THSD4: variants seen among roughly 807,000 people sequenced by gnomAD.
THSD4 encodes thrombospondin type 1 domain containing 4, also known as thrombospondin type-1 domain-containing protein 4.
In THSD4, 69 loss-of-function variants were observed where a neutral mutation model predicts 119.0. The ratio of observed to expected loss-of-function variants is 0.58; its 90% CI spans 0.48 to 0.71. The LOEUF is 0.71. THSD4 is among the 30% of genes least tolerant of loss of function. THSD4 has a pLI of 0.00. For synonymous variants in THSD4, 524 were observed against 540.4 expected (o/e 0.97, Z 0.42); for missense variants, 1,393 against 1,391.1 (o/e 1.00, Z -0.02).
intron 7 of THSD4, among the ~76,000 whole-genome samples, chr15:71,626,301 C>T (rs1370071190): frequency 6.6e-6 from 1 of 152,162 alleles, no homozygotes; most frequent in Non-Finnish European, 1.5e-5. Context: ...TGTTTTCCAG[C>T]ACTAATACTT....
At chr15:71,470,837 T>G (rs1022577696) in intron 7 of THSD4, among the ~76,000 whole-genome samples, 1 of 151,878 alleles carries the variant, frequency 6.6e-6, no homozygotes, top group Admixed American at 6.6e-5. Context: ...GGGTTTCACC[T>G]TGTTAGCCAG....
At chr15:71,365,691 A>G (rs1212207005) in intron 6 of THSD4, among the ~76,000 whole-genome samples, 1 of 152,150 alleles carries the variant, frequency 6.6e-6, no homozygotes, top group South Asian at 2.1e-4. Flanking sequence ...CCAACCCACC[A>G]ACTGAACAGG....
intron 7 of THSD4, among the ~76,000 whole-genome samples, chr15:71,487,964 T>C (rs779750857): frequency 6.6e-6 from 1 of 152,178 alleles, no homozygotes; most frequent in Non-Finnish European, 1.5e-5. Context: ...CAAGTAATGA[T>C]AATTTTATTC....
At chr15:71,592,071 G>T (rs567641303) in intron 7 of THSD4, among the ~76,000 whole-genome samples, 3 of 152,212 alleles carry the variant, frequency 2.0e-5, no homozygotes, top group South Asian at 2.1e-4. Flanking sequence ...TGGCTAGCAT[G>T]TGATGTAGCC....
At chr15:71,386,438 G>T (rs1467120556) in intron 6 of THSD4, among the ~76,000 whole-genome samples, 2 of 152,176 alleles carry the variant, frequency 1.3e-5, no homozygotes, top group African/African-American at 2.4e-5. Context: ...CCAAGAGGGG[G>T]TTAGGGGAGG....
At chr15:71,111,690 C>T, upstream of THSD4, 1 of 539,742 alleles carries the variant, frequency 1.9e-6, no homozygotes, top group Non-Finnish European at 3.3e-6. Context: ...TCCTTCAGAG[C>T]TTGAAATTAG....
chr15:71,162,988 A>ATATC (rs2043260860), intron 3 of THSD4, among the ~76,000 whole-genome samples: 1 of 151,592 alleles, frequency 6.6e-6, no homozygotes, highest in South Asian at 2.1e-4. Context: ...TCTTTTTTGT[A>ATATC]TATCTGTCTC....
chr15:71,325,995 C>G (rs564956972), intron 6 of THSD4, among the ~76,000 whole-genome samples: 32 of 152,248 alleles, frequency 2.1e-4, no homozygotes, highest in African/African-American at 7.5e-4. Flanking sequence ...CAATTTCCAC[C>G]TCTGTGATAA....
At chr15:71,588,959 G>T (rs925236172) in intron 7 of THSD4, among the ~76,000 whole-genome samples, 1 of 152,206 alleles carries the variant, frequency 6.6e-6, no homozygotes, top group African/African-American at 2.4e-5. Context: ...TGGTCAGGGA[G>T]GTGGGTGAGT....
intron 7 of THSD4, among the ~76,000 whole-genome samples, chr15:71,517,263 C>G (rs1417794297): frequency 6.6e-6 from 1 of 152,178 alleles, no homozygotes; most frequent in Admixed American, 6.5e-5. Flanking sequence ...CCAGCTCTCT[C>G]TCAGGGCTGT....
chr15:71,136,672 G>A (rs1323627719), intron 1 of THSD4, among the ~76,000 whole-genome samples: 3 of 152,040 alleles, frequency 2.0e-5, no homozygotes, highest in African/African-American at 7.3e-5. Context: ...GTAGGAGGGA[G>A]GGAGGGAGGG....
chr15:71,614,368 T>A (rs1056290830), intron 7 of THSD4, among the ~76,000 whole-genome samples: 1 of 152,198 alleles, frequency 6.6e-6, no homozygotes, highest in Admixed American at 6.5e-5. Flanking sequence ...CTCAGAGCCT[T>A]CTGGAGAATT....
At chr15:71,542,192 G>C (rs1351457772) in intron 7 of THSD4, among the ~76,000 whole-genome samples, 1 of 152,144 alleles carries the variant, frequency 6.6e-6, no homozygotes, top group Non-Finnish European at 1.5e-5. Context: ...CTGCAGGCAA[G>C]ATCTACAGAT....
At chr15:71,366,462 T>G (rs950639722) in intron 6 of THSD4, among the ~76,000 whole-genome samples, 3 of 152,164 alleles carry the variant, frequency 2.0e-5, no homozygotes, top group Non-Finnish European at 4.4e-5. Context: ...TGGAAGGTCT[T>G]TAGAGGTGAC....
At chr15:71,731,952 G>C (rs941635169) in intron 10 of THSD4, 1 of 152,310 alleles carries the variant, frequency 6.6e-6, no homozygotes, top group Non-Finnish European at 1.5e-5. Context: ...GGAGCCACCT[G>C]CCTTCCTTGG....
At chr15:71,640,931 A>G (rs193175655) in intron 7 of THSD4, among the ~76,000 whole-genome samples, 3 of 152,202 alleles carry the variant, frequency 2.0e-5, no homozygotes, top group Admixed American at 2.0e-4. Flanking sequence ...CTTCATTAAT[A>G]TAACAAGTCA....
intron 8 of THSD4, among the ~76,000 whole-genome samples, chr15:71,712,155 A>T (rs1342278908): frequency 6.6e-6 from 1 of 152,230 alleles, no homozygotes; most frequent in East Asian, 1.9e-4. Flanking sequence ...TAATATAAAC[A>T]TCGCTTTTCT....
At chr15:71,125,606 C>T (rs549225398) in intron 1 of THSD4, among the ~76,000 whole-genome samples, 4 of 152,338 alleles carry the variant, frequency 2.6e-5, no homozygotes, top group South Asian at 2.1e-4. Context: ...GTGCTGAGAC[C>T]GCGGCTGGCC....
intron 6 of THSD4, among the ~76,000 whole-genome samples, chr15:71,299,382 G>A (rs559013978): frequency 2.6e-5 from 4 of 152,296 alleles, no homozygotes; most frequent in Non-Finnish European, 4.4e-5. Context: ...AAACTTGCAG[G>A]CTGCATTGAG....
Sources: gnomAD v4.1 joint callset for allele counts (sites outside exome capture counted in the v4.1 genomes callset) on GRCh38, gnomAD v4.1.1 for gene constraint, MANE v1.5 for transcripts, NCBI Gene and HGNC (gene_info 2026-07-23, HGNC 2026-07-21) for gene names.